DHX57: variants seen among roughly 807,000 people sequenced by gnomAD.
DHX57 encodes putative ATP-dependent RNA helicase DHX57.
In DHX57, 105 loss-of-function variants were observed where a neutral mutation model predicts 156.2. That is an observed-to-expected ratio of 0.67 (90% CI 0.57 to 0.79). The LOEUF is 0.79. DHX57 is among the 30% of genes least tolerant of loss of function. The pLI is 0.00. For synonymous variants in DHX57, 704 were observed against 595.6 expected (o/e 1.18, Z -2.65); for missense variants, 1,847 against 1,661.9 (o/e 1.11, Z -1.94).
At chr2:38,864,431 G>A (rs943644679) in intron 2 of DHX57, among the ~76,000 whole-genome samples, 3 of 152,014 alleles carry the variant, frequency 2.0e-5, no homozygotes, top group Non-Finnish European at 2.9e-5. Flanking sequence ...AATCTCTTAT[G>A]ATTTGTCTGA....
rs112332657 is a variant in DHX57, at chr2:38,836,794, A to G, written c.2542+1037T>C. On this transcript the variant is annotated intron_variant, in intron 13 of 23. Transcript: ENST00000457308. ...CTGTCTCAAAAAAAAAAAAAAAAAA[A>G]AAAGAAACAAAAGAGAATACAGTAT... 1.3e-3 allele frequency among the ~76,000 whole-genome samples: 187 copies of G among 143,410 alleles called. 9 individuals carry two copies. Among genetic ancestry groups the G allele is most frequent in the Middle Eastern group, 3.7e-3 (1 of 272 alleles). 94.1% of individuals were successfully genotyped at this position (143,410 alleles called of 152,430 possible).
At position 38,798,431 on chromosome 2, in the gene DHX57, C is replaced by T; in HGVS notation, c.4029G>A (p.Leu1343=). 6.2e-7 allele frequency: 1 copy of T among 1,610,488 alleles called. No homozygotes were observed. The highest frequency in any genetic ancestry group is 8.5e-7 in the Non-Finnish European group (1 of 1,178,808). ...CAAGTTCGCAACGAAGCTCCTTTAC[C>T]AGTTCAGCCACCTAAAATGAAAGCT... ...FVAASHQVAE[L]VKELRCELDQ... The change falls in exon 24 of 24, where the codon CTG becomes CTA. Residue 1343 remains leucine (L), a synonymous_variant. Transcript: ENST00000457308.
intron 17 of DHX57, among the ~76,000 whole-genome samples, chr2:38,820,685 TAAGTC>T (rs1035936722): frequency 6.6e-6 from 1 of 152,166 alleles, no homozygotes; most frequent in African/African-American, 2.4e-5. Flanking sequence ...AATTTGTTGT[TAAGTC>T]AGGGAGCTGG....
At position 38,825,924 on chromosome 2, in the gene DHX57, G is replaced by C; in HGVS notation, c.2937C>G (p.Ser979Arg). 2.5e-6 allele frequency: 4 copies of C among 1,614,166 alleles called. No homozygotes were observed. The highest frequency in any genetic ancestry group is 3.4e-6 in the Non-Finnish European group (4 of 1,180,032). The change falls in exon 16 of 24, where the codon AGC (serine) becomes AGG (arginine). Residue 979 changes from serine to arginine, a missense_variant. Ser to Arg is a moderately radical substitution (Grantham distance 110). Transcript: ENST00000457308. ...TTAAAAGCTGGTGATTGTAGTGATG[G>C]CTAGTGAATAAATGGAAGCAGACCC... ...ASGVCFHLFT[S>R]HHYNHQLLKQ...
intron 12 of DHX57, among the ~76,000 whole-genome samples, chr2:38,839,579 G>T (rs866618462): frequency 4.0e-5 from 6 of 151,754 alleles, no homozygotes; most frequent in Admixed American, 6.6e-5. Context: ...AAATTAGCCA[G>T]GCATGGTGGT....
intron 1 of DHX57, among the ~76,000 whole-genome samples, chr2:38,874,980 T>C (rs1283481899): frequency 6.6e-6 from 1 of 152,178 alleles, no homozygotes; most frequent in African/African-American, 2.4e-5. Flanking sequence ...CCCAGGTAAA[T>C]TTGTGTACTG....
intron 1 of DHX57, among the ~76,000 whole-genome samples, chr2:38,874,333 G>A (rs886663903): frequency 2.6e-5 from 4 of 151,132 alleles, no homozygotes; most frequent in Non-Finnish European, 5.9e-5. Flanking sequence ...TCAAGCAATC[G>A]TCTCACCTTG....
chr2:38,813,764 T>C (rs978290786), intron 21 of DHX57, 57 bp downstream of exon 21: 1 of 1,580,074 alleles, frequency 6.3e-7, no homozygotes, highest in Admixed American at 1.7e-5. Flanking sequence ...TTAACTTACA[T>C]CACTTGGCTA....
At position 38,855,209 on chromosome 2, in the gene DHX57, A is replaced by C; in HGVS notation, c.1753T>G (p.Ser585Ala). The C allele has an allele frequency of 6.2e-7, 1 of 1,614,214 alleles. No homozygotes were observed. The highest frequency in any genetic ancestry group is 1.1e-5 in the South Asian group (1 of 91,076). ...ACCTTCTCAGGTGGTCCATTCAGAG[A>C]ATCATCCAGAATAAACTGCGGAATT... ...TQIPQFILDDSLNGPPEKVAN... is the reference protein window; with the variant it reads ...TQIPQFILDDALNGPPEKVAN... Residue 585 changes from serine (S) to alanine (A), a missense_variant, in exon 8 of 24, where the codon TCT becomes GCT. By Grantham distance (99) the Ser-to-Ala change is moderately conservative. Transcript: ENST00000457308.
chr2:38,804,307 A>T (rs928116729), intron 22 of DHX57, among the ~76,000 whole-genome samples: 5 of 152,112 alleles, frequency 3.3e-5, no homozygotes, highest in South Asian at 2.1e-4. Flanking sequence ...CCTGGCTAAC[A>T]TGGTGAGACC....
chr2:38,827,874 G>C (rs1005374221), intron 14 of DHX57, among the ~76,000 whole-genome samples: 17 of 151,820 alleles, frequency 1.1e-4, no homozygotes, highest in African/African-American at 4.1e-4. Context: ...GAATTTTTTT[G>C]AAACGGAGTT....
intron 12 of DHX57, among the ~76,000 whole-genome samples, chr2:38,841,139 G>C (rs1240998391): frequency 1.3e-5 from 2 of 152,166 alleles, no homozygotes; most frequent in East Asian, 3.9e-4. Flanking sequence ...GAATTTTCTT[G>C]TTCCATAATT....
At position 38,836,969 on chromosome 2, in the gene DHX57, CA is replaced by C. The variant is rs755835341; in HGVS notation, c.2542+861del. On this transcript the variant is annotated intron_variant, in intron 13 of 23. Coordinates refer to ENST00000457308, the MANE Select transcript of DHX57 (RefSeq NM_198963.3). ...TCAGGCTAAGGCAATCCTCCCACTCCAACCCCTTGCTGGGACTACAGGCATG... is the reference window on the plus strand; with the variant it reads ...TCAGGCTAAGGCAATCCTCCCACTCCACCCCTTGCTGGGACTACAGGCATG... Among the ~76,000 whole-genome samples the C allele has an allele frequency of 3.9e-5, 6 of 151,984 alleles. 1 individual carries two copies. The highest frequency in any genetic ancestry group is 7.4e-5 in the Non-Finnish European group (5 of 67,982).
At chr2:38,799,136 G>C (rs919695379) in intron 23 of DHX57, among the ~76,000 whole-genome samples, 1 of 152,112 alleles carries the variant, frequency 6.6e-6, no homozygotes, top group Admixed American at 6.6e-5. Context: ...GGCCGAGATG[G>C]GCAGATCACC....
chr2:38,856,877 G>C (rs547368411), intron 6 of DHX57: 1 of 154,788 alleles, frequency 6.5e-6, no homozygotes, highest in African/African-American at 2.4e-5. Flanking sequence ...GATTTGTTGG[G>C]ATTGGATGTA....
chr2:38,862,588 T>C (rs972884173), intron 3 of DHX57: 1 of 291,024 alleles, frequency 3.4e-6, no homozygotes, highest in Non-Finnish European at 6.2e-6. Context: ...CAAATACTAC[T>C]GGAATGTCCT....
chr2:38,826,429 A>ATG, intron 15 of DHX57, 87 bp downstream of exon 15: 1 of 1,434,318 alleles, frequency 7.0e-7, no homozygotes, highest in Non-Finnish European at 9.6e-7. Context: ...TAATCCGTGT[A>ATG]GCTTAATAGC....
chr2:38,812,271 T>TA (rs1670288188), intron 21 of DHX57, among the ~76,000 whole-genome samples: 1 of 151,778 alleles, frequency 6.6e-6, no homozygotes. Flanking sequence ...AACAATTTTT[T>TA]AAAAGTACAT....
chr2:38,837,778 C>G (rs1671759094), intron 13 of DHX57, 53 bp downstream of exon 13: 2 of 1,112,168 alleles, frequency 1.8e-6, no homozygotes, highest in South Asian at 2.5e-5. Context: ...TCCCATTTAG[C>G]CAAGGACTAA....
Sources: gnomAD v4.1 joint callset for allele counts (sites outside exome capture counted in the v4.1 genomes callset) on GRCh38, gnomAD v4.1.1 for gene constraint, MANE v1.5 for transcripts, NCBI Gene and HGNC (gene_info 2026-07-23, HGNC 2026-07-21) for gene names.